FAM107B: variants seen among roughly 807,000 people sequenced by gnomAD.
FAM107B encodes the protein family with sequence similarity 107 member B.
A neutral mutation model predicts 31.5 loss-of-function variants in FAM107B; 21 were observed. The observed-to-expected ratio is 0.67, with a 90% confidence interval of 0.47 to 0.96. The LOEUF (loss-of-function observed/expected upper bound fraction) is 0.96, where lower values mean the gene tolerates loss of function less well. FAM107B is among the 40% of genes least tolerant of loss of function. FAM107B has a pLI of 0.00. For synonymous variants in FAM107B, 157 were observed against 141.5 expected (o/e 1.11, Z -0.78); for missense variants, 452 against 377.1 (o/e 1.20, Z -1.64).
At chr10:14,672,859 T>A (rs538764809) in intron 1 of FAM107B, among the ~76,000 whole-genome samples, 59 of 152,226 alleles carry the variant, frequency 3.9e-4, no homozygotes, top group Non-Finnish European at 7.2e-4. Context: ...GTACATCAAG[T>A]CATTTTCCTT....
chr10:14,704,348 G>C (rs1308885291), intron 1 of FAM107B, among the ~76,000 whole-genome samples: 1 of 151,024 alleles, frequency 6.6e-6, no homozygotes, highest in Non-Finnish European at 1.5e-5. Context: ...AAACACACAG[G>C]ATCAGGTTTT....
chr10:14,586,034 G>A (rs774926535), intron 2 of FAM107B, among the ~76,000 whole-genome samples: 1 of 152,144 alleles, frequency 6.6e-6, no homozygotes, highest in Non-Finnish European at 1.5e-5. Context: ...GGTGCTCCCA[G>A]CCAGCAATCA....
chr10:14,604,271 T>G (rs1852512473), intron 2 of FAM107B: 29 of 978,022 alleles, frequency 3.0e-5, no homozygotes, highest in Non-Finnish European at 3.3e-5. Flanking sequence ...CGCGGCTCCC[T>G]CCCAGCTCGC....
chr10:14,731,330 G>A (rs1473501147), intron 1 of FAM107B, among the ~76,000 whole-genome samples: 1 of 152,194 alleles, frequency 6.6e-6, no homozygotes, highest in Non-Finnish European at 1.5e-5. Context: ...GGGGGGCCGA[G>A]GCAGGTGGAT....
At chr10:14,545,036 G>C (rs1049478315) in intron 2 of FAM107B, among the ~76,000 whole-genome samples, 1 of 152,168 alleles carries the variant, frequency 6.6e-6, no homozygotes, top group African/African-American at 2.4e-5. Flanking sequence ...CAGTCTCTGG[G>C]GGGTGGGCCC....
chr10:14,649,220 G>A (rs537219527), intron 2 of FAM107B, among the ~76,000 whole-genome samples: 16 of 152,314 alleles, frequency 1.1e-4, no homozygotes, highest in Middle Eastern at 3.4e-3. Context: ...CAGACTCTGC[G>A]TAGCAATAAG....
chr10:14,604,210 G>A, intron 2 of FAM107B: 2 of 979,616 alleles, frequency 2.0e-6, no homozygotes, highest in South Asian at 4.7e-5. Flanking sequence ...TCGTCTTTGT[G>A]TGGAAAGTAA....
intron 2 of FAM107B, among the ~76,000 whole-genome samples, chr10:14,618,840 AAAAT>A (rs144956419): frequency 0.033 from 4,994 of 152,230 alleles, 107 homozygotes; most frequent in African/African-American, 0.059. Context: ...GCTTAAAAAA[AAAAT>A]AGTCACTGCA....
chr10:14,693,507 T>C (rs1458134370), intron 1 of FAM107B, among the ~76,000 whole-genome samples: 2 of 150,956 alleles, frequency 1.3e-5, no homozygotes, highest in African/African-American at 4.9e-5. Flanking sequence ...AACAGGACAC[T>C]ATGGGATACA....
chr10:14,601,269 T>C (rs1852387807), intron 2 of FAM107B, among the ~76,000 whole-genome samples: 1 of 152,176 alleles, frequency 6.6e-6, no homozygotes, highest in Non-Finnish European at 1.5e-5. Flanking sequence ...ATAATCTTTC[T>C]TTCTTTCACT....
intron 1 of FAM107B, among the ~76,000 whole-genome samples, chr10:14,694,661 G>A (rs1234229089): frequency 1.3e-5 from 2 of 152,220 alleles, no homozygotes; most frequent in Non-Finnish European, 2.9e-5. Flanking sequence ...TGGGATTACA[G>A]GCGCGGGACA....
At chr10:14,773,015 A>G (rs1833342342) in intron 1 of FAM107B, among the ~76,000 whole-genome samples, 1 of 152,168 alleles carries the variant, frequency 6.6e-6, no homozygotes, top group Non-Finnish European at 1.5e-5. Context: ...CTAATCAGCT[A>G]CCTATAATAC....
intron 2 of FAM107B, among the ~76,000 whole-genome samples, chr10:14,554,406 CG>C (rs1849522051): frequency 6.6e-6 from 1 of 152,106 alleles, no homozygotes. Context: ...TCATAAGGGC[CG>C]GAACTCAGAC....
At chr10:14,683,922 A>G (rs149286773) in intron 1 of FAM107B, among the ~76,000 whole-genome samples, 115 of 152,362 alleles carry the variant, frequency 7.5e-4, no homozygotes, top group Middle Eastern at 3.4e-3. Context: ...AAAACAATGC[A>G]CAGTTAAAGA....
At chr10:14,617,306 G>A (rs1852879052) in intron 2 of FAM107B, among the ~76,000 whole-genome samples, 2 of 152,264 alleles carry the variant, frequency 1.3e-5, no homozygotes, top group Admixed American at 1.3e-4. Flanking sequence ...AAAAGCATCT[G>A]CAAAGAGAAG....
intron 2 of FAM107B, among the ~76,000 whole-genome samples, chr10:14,571,055 G>C (rs979505458): frequency 6.6e-6 from 1 of 152,140 alleles, no homozygotes; most frequent in African/African-American, 2.4e-5. Flanking sequence ...GGAAGTCCAA[G>C]ATCAAGGTGC....
At chr10:14,561,708 A>C (rs1850258673) in intron 2 of FAM107B, among the ~76,000 whole-genome samples, 1 of 152,258 alleles carries the variant, frequency 6.6e-6, no homozygotes, top group Non-Finnish European at 1.5e-5. Flanking sequence ...TCTAATACAT[A>C]AAAGAAAGAA....
intron 1 of FAM107B, among the ~76,000 whole-genome samples, chr10:14,696,475 G>A (rs1047935251): frequency 4.0e-5 from 6 of 151,886 alleles, no homozygotes; most frequent in African/African-American, 1.5e-4. Flanking sequence ...CCTGGCTTAG[G>A]TACCAAGCAT....
chr10:14,645,780 C>T (rs970508561), intron 2 of FAM107B, among the ~76,000 whole-genome samples: 1 of 152,180 alleles, frequency 6.6e-6, no homozygotes, highest in East Asian at 1.9e-4. Context: ...GATAAATTCT[C>T]TCCCTGATTT....
Sources: gnomAD v4.1 joint callset for allele counts (sites outside exome capture counted in the v4.1 genomes callset) on GRCh38, gnomAD v4.1.1 for gene constraint, MANE v1.5 for transcripts, NCBI Gene and HGNC (gene_info 2026-07-23, HGNC 2026-07-21) for gene names.